GRID1: variants seen among roughly 807,000 people sequenced by gnomAD.
The protein encoded by GRID1 is glutamate ionotropic receptor delta type subunit 1, also known as glutamate receptor ionotropic, delta-1.
GRID1 carries 28 observed loss-of-function variants against 98.0 expected under a neutral mutation model. The observed-to-expected ratio is 0.29, with a 90% CI of 0.21 to 0.39. The LOEUF is 0.39. Among genes scored for constraint, GRID1 ranks in the 10% least tolerant of loss-of-function variants. The pLI is 1.00. For synonymous variants in GRID1, 553 were observed against 538.5 expected (o/e 1.03, Z -0.37); for missense variants, 1,111 against 1,340.5 (o/e 0.83, Z 2.67).
At chr10:85,822,576 T>C (rs996239826) in intron 8 of GRID1, among the ~76,000 whole-genome samples, 2 of 152,134 alleles carry the variant, frequency 1.3e-5, no homozygotes, top group African/African-American at 4.8e-5. Context: ...AGGAACACTT[T>C]TACACCATTG....
intron 8 of GRID1, among the ~76,000 whole-genome samples, chr10:85,812,854 T>TTA (rs58973720): frequency 0.022 from 3,328 of 151,522 alleles, 111 homozygotes; most frequent in African/African-American, 0.075. Flanking sequence ...TGTGTGTATA[T>TTA]TATATATATA....
chr10:86,293,779 T>C (rs1454379059), intron 2 of GRID1, among the ~76,000 whole-genome samples: 1 of 152,124 alleles, frequency 6.6e-6, no homozygotes, highest in African/African-American at 2.4e-5. Context: ...ATTCATTCAT[T>C]CATTCACCAC....
At chr10:86,105,854 G>C (rs75452024) in intron 4 of GRID1, among the ~76,000 whole-genome samples, 1,731 of 152,310 alleles carry the variant, frequency 0.011, 16 homozygotes, top group African/African-American at 0.025. Context: ...GGCACCACAG[G>C]TCACCCAGGA....
At chr10:86,168,664 G>A (rs148501177) in intron 3 of GRID1, among the ~76,000 whole-genome samples, 6 of 152,264 alleles carry the variant, frequency 3.9e-5, no homozygotes, top group Admixed American at 6.5e-5. Context: ...AGGGCAGAGC[G>A]GTGAGTAAGG....
chr10:85,778,488 T>C (rs898166905), intron 8 of GRID1, among the ~76,000 whole-genome samples: 2 of 152,312 alleles, frequency 1.3e-5, no homozygotes, highest in Admixed American at 6.5e-5. Flanking sequence ...CTGCTCATCA[T>C]TATAGCGCCC....
chr10:86,055,833 C>G (rs928703777), intron 4 of GRID1, among the ~76,000 whole-genome samples: 1 of 152,158 alleles, frequency 6.6e-6, no homozygotes, highest in Non-Finnish European at 1.5e-5. Flanking sequence ...CTCTCTCTCT[C>G]TCTCTCATGT....
At chr10:85,880,176 C>T (rs565120633) in intron 5 of GRID1, among the ~76,000 whole-genome samples, 4 of 152,126 alleles carry the variant, frequency 2.6e-5, no homozygotes, top group South Asian at 4.1e-4. Flanking sequence ...GATTCACAGC[C>T]GAATTCCACC....
chr10:85,737,658 A>ATG, intron 8 of GRID1, among the ~76,000 whole-genome samples: 1 of 132,460 alleles, frequency 7.5e-6, no homozygotes, highest in African/African-American at 2.9e-5. Flanking sequence ...ATATATATAT[A>ATG]TATATATATA....
chr10:86,351,425 C>A (rs879864405), intron 2 of GRID1, among the ~76,000 whole-genome samples: 5 of 152,224 alleles, frequency 3.3e-5, no homozygotes, highest in Non-Finnish European at 7.3e-5. Flanking sequence ...ATGGGTCCAG[C>A]CTGCTGGACA....
At chr10:85,964,187 T>C (rs187540248) in intron 4 of GRID1, among the ~76,000 whole-genome samples, 62 of 152,210 alleles carry the variant, frequency 4.1e-4, no homozygotes, top group Admixed American at 1.0e-3. Context: ...GAACAATCAA[T>C]ATCATGAAAA....
intron 5 of GRID1, among the ~76,000 whole-genome samples, chr10:85,890,951 G>C (rs1841191678): frequency 6.6e-6 from 1 of 152,080 alleles, no homozygotes. Context: ...TTAAAAGCTG[G>C]CTGAGCCCTT....
chr10:86,149,388 G>A (rs1009419010), intron 3 of GRID1, among the ~76,000 whole-genome samples: 4 of 152,224 alleles, frequency 2.6e-5, no homozygotes, highest in African/African-American at 9.6e-5. Flanking sequence ...GGATGACTCC[G>A]TATGGGCACG....
At chr10:85,895,726 T>C (rs940654317) in intron 5 of GRID1, among the ~76,000 whole-genome samples, 2 of 152,190 alleles carry the variant, frequency 1.3e-5, no homozygotes, top group African/African-American at 2.4e-5. Flanking sequence ...AACTGAACCA[T>C]TAAGCTAAAT....
At chr10:85,819,928 T>TGA (rs917170241) in intron 8 of GRID1, among the ~76,000 whole-genome samples, 7 of 108,972 alleles carry the variant, frequency 6.4e-5, no homozygotes, top group Non-Finnish European at 1.1e-4. Flanking sequence ...AAAGAGAGAA[T>TGA]GAGAGAGAGA....
At chr10:86,316,534 C>T (rs1264696486) in intron 2 of GRID1, among the ~76,000 whole-genome samples, 1 of 152,252 alleles carries the variant, frequency 6.6e-6, no homozygotes, top group Non-Finnish European at 1.5e-5. Flanking sequence ...CTCAAAGCTG[C>T]CCCAGCCTAG....
At chr10:86,190,073 C>T (rs760776483) in intron 3 of GRID1, among the ~76,000 whole-genome samples, 7 of 152,154 alleles carry the variant, frequency 4.6e-5, no homozygotes, top group African/African-American at 1.7e-4. Flanking sequence ...TTCCGTGACT[C>T]GGCCCCAGGC....
chr10:85,674,720 T>C (rs1046472361), intron 12 of GRID1, among the ~76,000 whole-genome samples: 3 of 152,104 alleles, frequency 2.0e-5, no homozygotes, highest in Admixed American at 2.0e-4. Flanking sequence ...CAGGTTTTTT[T>C]TTTTTTTGGT....
At position 86,200,001 on chromosome 10, in the gene GRID1, G is replaced by A. The variant is rs116063704; in HGVS notation, c.520+6363C>T. ...ATCCTGAGCATCTAAGGCCTCCTCC[G>A]ACTGTCTCTCCAGTCTTATCCCTAG... On this transcript the variant is annotated intron_variant, in intron 3 of 15. Coordinates refer to ENST00000327946, the MANE Select transcript of GRID1 (RefSeq NM_017551.3). Among the ~76,000 whole-genome samples the A allele has an allele frequency of 4.9e-3, 740 of 151,804 alleles. 8 individuals are homozygous for A. The highest frequency in any genetic ancestry group is 0.017 in the African/African-American group (706 of 41,438).
chr10:85,733,404 T>C (rs1301892310), intron 8 of GRID1, among the ~76,000 whole-genome samples: 1 of 152,158 alleles, frequency 6.6e-6, no homozygotes, highest in Non-Finnish European at 1.5e-5. Context: ...CAACATTAAC[T>C]TCTGTAACTG....
Sources: allele counts gnomAD v4.1 joint callset (sites outside exome capture counted in the v4.1 genomes callset), GRCh38; gene constraint gnomAD v4.1.1; transcripts MANE v1.5; gene names NCBI Gene and HGNC (gene_info 2026-07-23, HGNC 2026-07-21).